The following NPR3 variants were observed in gnomAD, a reference collection of about 807,000 sequenced individuals.
The protein encoded by NPR3 is natriuretic peptide receptor 3.
NPR3 carries 34 observed loss-of-function variants against 54.5 expected under a neutral mutation model. The observed-to-expected ratio is 0.62, with a 90% CI of 0.47 to 0.83. The LOEUF is 0.83. NPR3 is among the 40% of genes least tolerant of loss of function. The probability of loss-of-function intolerance (pLI) is 0.00; values close to 1 mark genes in which losing one functional copy is unlikely to be tolerated. For synonymous variants in NPR3, 289 were observed against 297.1 expected (o/e 0.97, Z 0.28); for missense variants, 674 against 720.8 (o/e 0.94, Z 0.74).
At position 32,782,936 on chromosome 5, in the gene NPR3, G is replaced by A. The variant is rs1431872668; in HGVS notation, c.1334G>A (p.Arg445Gln). 8 of 1,611,536 alleles carry A rather than the reference G, an allele frequency of 5.0e-6. No individual in the cohort carries two copies. The highest frequency in any genetic ancestry group is 3.3e-5 in the Admixed American group (2 of 59,738). ...YFGKEGRFEM[R>Q]PNVKYPWGPL... ...GGAAAAGAAGGTCGTTTTGAAATGC[G>A]GCCGAATGTCAAATATCCTTGGGGC... Residue 445 changes from arginine to glutamine, a missense_variant, in exon 6 of 8, where the codon CGG (arginine) becomes CAG (glutamine). Transcript: ENST00000265074.
chr5:32,772,714 C>T (rs983495346), intron 3 of NPR3, among the ~76,000 whole-genome samples: 12 of 152,202 alleles, frequency 7.9e-5, no homozygotes, highest in African/African-American at 2.7e-4. Context: ...TAGACAATTA[C>T]AGCAACAAAA....
chr5:32,782,988 C>T lies in NPR3; in HGVS notation c.1386C>T (p.Asn462=), dbSNP rs768780462. The change falls in exon 6 of 8, where the codon AAC becomes AAT. Residue 462 remains asparagine, a synonymous_variant. Transcript: ENST00000265074. ...CTTTAAAACTGAGAATAGATGAAAA[C>T]CGAATTGTAGAGCATACAAACAGCT... ...WGPLKLRIDE[N]RIVEHTNSSP... is the part of the protein sequence containing the mutation. The T allele has an allele frequency of 6.2e-7, 1 of 1,606,940 alleles. No homozygotes were observed. Among genetic ancestry groups the T allele is most frequent in the Non-Finnish European group, 8.5e-7 (1 of 1,176,192 alleles).
chr5:32,736,449 C>A (rs1382181451), intron 2 of NPR3, among the ~76,000 whole-genome samples: 1 of 152,128 alleles, frequency 6.6e-6, no homozygotes. Flanking sequence ...CATTTCCCTT[C>A]CCCTGGAGAG....
intron 3 of NPR3, among the ~76,000 whole-genome samples, chr5:32,759,668 GC>G (rs1554017545): frequency 6.6e-6 from 1 of 151,764 alleles, no homozygotes. Context: ...TGGTTATTTT[GC>G]TCGTTAGTTG....
intron 3 of NPR3, among the ~76,000 whole-genome samples, chr5:32,746,725 G>A (rs1182118956): frequency 1.3e-5 from 2 of 152,160 alleles, no homozygotes; most frequent in African/African-American, 4.8e-5. Flanking sequence ...GTTAGACTGA[G>A]TCAGTGTGGG....
At chr5:32,769,388 C>G (rs971135649) in intron 3 of NPR3, among the ~76,000 whole-genome samples, 1 of 152,152 alleles carries the variant, frequency 6.6e-6, no homozygotes, top group African/African-American at 2.4e-5. Context: ...AGGGCTGGAC[C>G]AGTTTCAATT....
Position 32,711,597 on chromosome 5 carries a change from C to A in NPR3, c.-180C>A, listed in dbSNP as rs1738230479. ...TTTTTAAGAAAAACTAGTGACATTGCAGAGAAGGACGCTTCCTCTCTATCT... is the reference window on the plus strand; with the variant it reads ...TTTTTAAGAAAAACTAGTGACATTGAAGAGAAGGACGCTTCCTCTCTATCT... On this transcript the variant is annotated 5_prime_UTR_variant, in exon 1 of 8. Transcript: ENST00000265074. 1 of 1,241,076 alleles carries A rather than the reference C, an allele frequency of 8.1e-7. No individual in the cohort carries two copies. Among genetic ancestry groups the A allele is most frequent in the Non-Finnish European group, 1.0e-6 (1 of 996,576 alleles). The allele number at this position is 1,241,076 out of a possible 1,614,324, so 76.9% of individuals were successfully genotyped here.
intron 3 of NPR3, among the ~76,000 whole-genome samples, chr5:32,742,266 TAGGAATAGTGAC>T (rs1241033112): frequency 6.6e-6 from 1 of 152,118 alleles, no homozygotes; most frequent in Non-Finnish European, 1.5e-5. Context: ...TCACATGACC[TAGGAATAGTGAC>T]AGTTTTGTTT....
chr5:32,763,947 C>G (rs1057133182), intron 3 of NPR3, among the ~76,000 whole-genome samples: 3 of 152,090 alleles, frequency 2.0e-5, no homozygotes, highest in Non-Finnish European at 4.4e-5. Flanking sequence ...TTTGGTTTTG[C>G]TTTTAGTCTT....
intron 2 of NPR3, among the ~76,000 whole-genome samples, chr5:32,735,830 G>A (rs1244908349): frequency 6.6e-6 from 1 of 152,204 alleles, no homozygotes; most frequent in Non-Finnish European, 1.5e-5. Context: ...AGTTAGAAAT[G>A]CCCACAAAAG....
At position 32,739,461 on chromosome 5, in the gene NPR3, A is replaced by G. The variant is rs548032099; in HGVS notation, c.1059+431A>G. ...GGCAGCTGATATTTGGGGTTTTAGG[A>G]TACATTTTCTTTTGGCAGCCTGGCT... On this transcript the variant is annotated intron_variant, in intron 3 of 7. Transcript: ENST00000265074. Among the ~76,000 whole-genome samples, 3 of 152,044 alleles carry G rather than the reference A, an allele frequency of 2.0e-5. No homozygotes were observed. In the South Asian group the frequency reaches 6.2e-4, roughly 32 times the overall value.
At chr5:32,752,993 T>A (rs1740651622) in intron 3 of NPR3, among the ~76,000 whole-genome samples, 1 of 152,228 alleles carries the variant, frequency 6.6e-6, no homozygotes, top group African/African-American at 2.4e-5. Flanking sequence ...GATTAGAGTG[T>A]TTTTTGTTTG....
chr5:32,774,553 A>G (rs1258580270), intron 3 of NPR3, among the ~76,000 whole-genome samples, 155 bp from the exon 4 acceptor site: 27 of 152,198 alleles, frequency 1.8e-4, no homozygotes, highest in Admixed American at 1.8e-3. Context: ...ATGCCAGGAA[A>G]GTCATGGCGT....
chr5:32,774,769 A>T lies in NPR3; in HGVS notation c.1121A>T (p.Glu374Val). 2 of 1,601,168 alleles carry T rather than the reference A, an allele frequency of 1.2e-6. No homozygotes were observed. The highest frequency in any genetic ancestry group is 1.7e-6 in the Non-Finnish European group (2 of 1,168,210). The change falls in exon 4 of 8, where the codon GAA becomes GTA. Residue 374 changes from glutamate to valine, a missense_variant. Physicochemically the swap from Glu to Val is moderately radical, Grantham distance 121. Coordinates refer to ENST00000265074, the MANE Select transcript of NPR3 (RefSeq NM_001204375.2). ...AILLYVLALH[E>V]VLRAGYSKKD... The stretch of plus-strand genomic sequence containing the variant: ...CTCCTCTACGTCTTGGCTCTACATG[A>T]AGTACTCAGAGCTGGTTACAGCAAA...
chr5:32,748,076 G>A (rs1561106622), intron 3 of NPR3, among the ~76,000 whole-genome samples: 1 of 152,106 alleles, frequency 6.6e-6, no homozygotes, highest in Non-Finnish European at 1.5e-5. Flanking sequence ...GAGACTTTGA[G>A]TATCAGAAAA....
chr5:32,767,733 G>A (rs1741548789), intron 3 of NPR3, among the ~76,000 whole-genome samples: 1 of 151,322 alleles, frequency 6.6e-6, no homozygotes, highest in African/African-American at 2.4e-5. Flanking sequence ...TCATTTTAGG[G>A]TATAAAGCAG....
At chr5:32,718,699 G>T (rs1016239396) in intron 1 of NPR3, among the ~76,000 whole-genome samples, 5 of 152,086 alleles carry the variant, frequency 3.3e-5, no homozygotes, top group Admixed American at 3.3e-4. Flanking sequence ...CATTGATTTT[G>T]TATCCTGAGA....
chr5:32,695,599 C>T (rs1464754264), intron 1 of NPR3, among the ~76,000 whole-genome samples: 1 of 152,186 alleles, frequency 6.6e-6, no homozygotes, highest in Non-Finnish European at 1.5e-5. Context: ...AACCTCCAAC[C>T]TGTTCTCCAT....
At chr5:32,701,497 A>G (rs571524063) in intron 1 of NPR3, among the ~76,000 whole-genome samples, 1 of 152,304 alleles carries the variant, frequency 6.6e-6, no homozygotes, top group Non-Finnish European at 1.5e-5. Context: ...TTGTCTTCCC[A>G]GGATTGATCC....
Sources: allele counts gnomAD v4.1 joint callset (sites outside exome capture counted in the v4.1 genomes callset), GRCh38; gene constraint gnomAD v4.1.1; transcripts MANE v1.5; gene names NCBI Gene and HGNC (gene_info 2026-07-23, HGNC 2026-07-21).